The following DLL3 variants were observed in gnomAD, a reference collection of about 807,000 sequenced individuals.
The protein encoded by DLL3 is delta-like protein 3.
A neutral mutation model predicts 55.0 loss-of-function variants in DLL3; 49 were observed. The observed-to-expected ratio is 0.89, with a 90% confidence interval of 0.71 to 1.13. DLL3 has a LOEUF of 1.13. DLL3 is among the 50% of genes most tolerant of loss of function. The probability of loss-of-function intolerance (pLI) is 0.00; values close to 1 mark genes in which losing one functional copy is unlikely to be tolerated. For missense variants in DLL3, 962 were observed against 875.5 expected, an observed-to-expected ratio of 1.10 and a Z score of -1.25; for synonymous variants, 421 against 385.2, an observed-to-expected ratio of 1.09 and a Z score of -1.09.
Position 39,499,438 on chromosome 19 carries a change from G to A in DLL3, c.316G>A (p.Gly106Ser), listed in dbSNP as rs2079597000. Residue 106 changes from glycine (G) to serine (S), a missense_variant, in exon 2 of 9, where the codon GGC becomes AGC. By Grantham distance (56) the Gly-to-Ser change is moderately conservative (BLOSUM62 0). Transcript: ENST00000356433. The stretch of plus-strand genomic sequence containing the variant: ...CGCGCCTGATCTCCCACTGCCCGAC[G>A]GCCTCTTGCAGGTGCCCTTCCGGGA... Reference protein sequence around the residue: ...APAPDLPLPDGLLQVPFRDAW... With the variant: ...APAPDLPLPDSLLQVPFRDAW... 6.3e-7 allele frequency: 1 copy of A among 1,591,452 alleles called. No individual in the cohort carries two copies. The highest frequency in any genetic ancestry group is 1.1e-5 in the South Asian group (1 of 89,426).
Position 39,505,407 on chromosome 19 carries a change from G to A in DLL3, c.1049G>A (p.Cys350Tyr). Residue 350 changes from cysteine to tyrosine, a missense_variant, in exon 6 of 9, where the codon TGT becomes TAT. Transcript: ENST00000356433. Reference protein sequence around the residue: ...HCPPGFQGSNCEKRVDRCSLQ... With the variant: ...HCPPGFQGSNYEKRVDRCSLQ... The stretch of plus-strand genomic sequence containing the variant: ...CCACCCGGTTTCCAAGGCTCCAACT[G>A]TGAGAAGAGGGTGGACCGGTGCAGC... 6.2e-7 allele frequency: 1 copy of A among 1,614,136 alleles called. No homozygotes were observed. Among genetic ancestry groups the A allele is most frequent in the South Asian group, 1.1e-5 (1 of 91,082 alleles).
rs935221144 is a variant in DLL3, at chr19:39,502,876, G to A, written c.471G>A (p.Pro157=). Residue 157 remains proline, a synonymous_variant, in exon 4 of 9, where the codon CCG becomes CCA. Coordinates refer to ENST00000356433, the MANE Select transcript of DLL3 (RefSeq NM_203486.3). ...AGRRRLAAGG[P]WARDIQRAGA... is the part of the protein sequence containing the mutation. Reference sequence around the variant, plus strand: ...GGCGGCGCTTGGCAGCCGGAGGCCCGTGGGCCCGGGACATTCAGCGCGCAG... The same window carrying A: ...GGCGGCGCTTGGCAGCCGGAGGCCCATGGGCCCGGGACATTCAGCGCGCAG... The A allele has an allele frequency of 6.3e-6, 9 of 1,421,336 alleles. No homozygotes were observed. The highest frequency in any genetic ancestry group is 3.0e-5 in the East Asian group (1 of 32,818). The allele number at this position is 1,421,336 out of a possible 1,614,324, so 88.0% of individuals were successfully genotyped here. A position where few individuals can be genotyped will look rare whatever the true frequency, so the allele number is the denominator to read the frequency against.
At chr19:39,499,605 G>T (rs3212275) in intron 2 of DLL3, 132 bp downstream of exon 2, 3 of 1,167,780 alleles carry the variant, frequency 2.6e-6, no homozygotes, top group Non-Finnish European at 3.6e-6. Flanking sequence ...TCCCAGACCA[G>T]TAACTCTACC....
At position 39,505,270 on chromosome 19, in the gene DLL3, C is replaced by G. The variant is rs7249157; in HGVS notation, c.912C>G (p.Phe304Leu). The G allele has an allele frequency of 1.2e-6, 2 of 1,614,068 alleles. No homozygotes were observed. Among genetic ancestry groups the G allele is most frequent in the South Asian group, 2.2e-5 (2 of 91,090 alleles). The change falls in exon 6 of 9, where the codon TTC becomes TTG. Residue 304 changes from phenylalanine (F) to leucine (L), a missense_variant. By Grantham distance (22) the Phe-to-Leu change is conservative. Transcript: ENST00000356433. ...RSFECTCPRG[F>L]YGLRCEVSGV... ...TTGAATGCACCTGCCCGCGTGGGTTCTACGGGCTGCGGTGTGAGGTGAGCG... is the reference window on the plus strand; with the variant it reads ...TTGAATGCACCTGCCCGCGTGGGTTGTACGGGCTGCGGTGTGAGGTGAGCG...
chr19:39,507,073 C>T lies in DLL3; in HGVS notation c.1128C>T (p.Arg376=). ...GLCLDLGHAL[R]CRCRAGFAGP... The stretch of plus-strand genomic sequence containing the variant: ...GCCTGGACCTGGGCCACGCCCTGCG[C>T]TGCCGCTGCCGCGCCGGCTTCGCGG... Residue 376 remains arginine, a synonymous_variant, in exon 7 of 9, where the codon CGC becomes CGT. Coordinates refer to ENST00000356433, the MANE Select transcript of DLL3 (RefSeq NM_203486.3). The T allele has an allele frequency of 6.5e-7, 1 of 1,541,612 alleles. No individual in the cohort carries two copies. The highest frequency in any genetic ancestry group is 8.7e-7 in the Non-Finnish European group (1 of 1,150,798).
intron 4 of DLL3, 44 bp from the exon 5 acceptor site, chr19:39,504,027 C>T (rs766364078): frequency 3.1e-6 from 5 of 1,597,132 alleles, no homozygotes; most frequent in African/African-American, 1.3e-5. Context: ...TGGCCCTCCC[C>T]GACGTTGGTG....
intron 5 of DLL3, among the ~76,000 whole-genome samples, 200 bp downstream of exon 5, chr19:39,504,488 G>C (rs1175125978): frequency 6.6e-6 from 1 of 152,190 alleles, no homozygotes; most frequent in Non-Finnish European, 1.5e-5. Flanking sequence ...GGGAGAGCAG[G>C]CTCAGTGGGT....
In DLL3 at chr19:39,507,508, C is replaced by A; in HGVS notation, c.1563C>A (p.Ser521=). ...LLVHVRRRGH[S]QDAGSRLLAG... ...TCCACGTGCGCCGCCGTGGCCACTC[C>A]CAGGATGCTGGGTCTCGCTTGCTGG... The change falls in exon 7 of 9, where the codon TCC becomes TCA. Residue 521 remains serine, a synonymous_variant. Transcript: ENST00000356433. 1 of 1,599,734 alleles carries A rather than the reference C, an allele frequency of 6.3e-7. No homozygotes were observed. Among genetic ancestry groups the A allele is most frequent in the Non-Finnish European group, 8.5e-7 (1 of 1,174,330 alleles).
chr19:39,502,151 C>T (rs978071372), intron 3 of DLL3, among the ~76,000 whole-genome samples: 7 of 151,850 alleles, frequency 4.6e-5, no homozygotes, highest in Non-Finnish European at 8.8e-5. Context: ...CACACCACTA[C>T]GCTCCAGCCT....
In DLL3 at chr19:39,507,243, G is replaced by C; in HGVS notation, c.1298G>C (p.Cys433Ser). The C allele has an allele frequency of 6.7e-7, 1 of 1,500,424 alleles. No individual in the cohort carries two copies. The highest frequency in any genetic ancestry group is 8.8e-7 in the Non-Finnish European group (1 of 1,131,946). 92.9% of individuals were successfully genotyped at this position (1,500,424 alleles called of 1,614,324 possible). Reference sequence around the variant, plus strand: ...GACTGCCGCGAGCGCGCGGACCCGTGCGCCGCGCGCCCCTGTGCTCACGGC... The same window carrying C: ...GACTGCCGCGAGCGCGCGGACCCGTCCGCCGCGCGCCCCTGTGCTCACGGC... ...GRDCRERADP[C>S]AARPCAHGGR... Residue 433 changes from cysteine to serine, a missense_variant, in exon 7 of 9, where the codon TGC becomes TCC. Physicochemically the swap from Cys to Ser is moderately radical, Grantham distance 112. Transcript: ENST00000356433.
At position 39,504,120 on chromosome 19, in the gene DLL3, C is replaced by T. The variant is rs1316480394; in HGVS notation, c.702C>T (p.Pro234=). The change falls in exon 5 of 9, where the codon CCC becomes CCT. Residue 234 remains proline, a synonymous_variant. Coordinates refer to ENST00000356433, the MANE Select transcript of DLL3 (RefSeq NM_203486.3). ...CSPEHGFCEQ[P]GECRCLEGWT... ...CTGAGCATGGCTTCTGTGAACAGCC[C>T]GGTGAATGCCGATGCCTAGAGGGCT... is the stretch of plus-strand genomic sequence containing the variant. The T allele has an allele frequency of 1.2e-5, 19 of 1,612,966 alleles. No individual in the cohort carries two copies. Among genetic ancestry groups the T allele is most frequent in the Admixed American group, 6.7e-5 (4 of 60,010 alleles).
intron 2 of DLL3, 65 bp from the exon 3 acceptor site, chr19:39,500,550 T>G: frequency 6.9e-7 from 1 of 1,458,760 alleles, no homozygotes. Context: ...ACTCTGGCCT[T>G]CATTGAGTAC....
chr19:39,505,451 G>C lies in DLL3; in HGVS notation c.1093G>C (p.Gly365Arg). The C allele has an allele frequency of 6.2e-7, 1 of 1,614,032 alleles. No individual in the cohort carries two copies. Among genetic ancestry groups the C allele is most frequent in the Non-Finnish European group, 8.5e-7 (1 of 1,179,988 alleles). Reference sequence around the variant, plus strand: ...GTGCAGCCTGCAGCCATGCCGCAATGGTGAGGCCTGGAGGCCTGAACGGCG... The same window carrying C: ...GTGCAGCCTGCAGCCATGCCGCAATCGTGAGGCCTGGAGGCCTGAACGGCG... The part of the protein sequence containing the change: ...DRCSLQPCRN[G>R]GLCLDLGHAL... Residue 365 changes from glycine to arginine, a missense_variant and splice_region_variant, in exon 6 of 9, where the codon GGC becomes CGC. Coordinates refer to ENST00000356433, the MANE Select transcript of DLL3 (RefSeq NM_203486.3).
chr19:39,508,170 T>G (rs1025925604), intron 8 of DLL3, 82 bp from the exon 9 acceptor site: 7 of 1,614,122 alleles, frequency 4.3e-6, no homozygotes, highest in Non-Finnish European at 5.9e-6. Flanking sequence ...CGCCAGAGCT[T>G]TTCCACTGAT....
chr19:39,507,215 C>T lies in DLL3; in HGVS notation c.1270C>T (p.Arg424Cys). 1 of 1,328,352 alleles carries T rather than the reference C, an allele frequency of 7.5e-7. No individual in the cohort carries two copies. The highest frequency in any genetic ancestry group is 9.5e-7 in the Non-Finnish European group (1 of 1,049,392). 82.3% of individuals were successfully genotyped at this position (1,328,352 alleles called of 1,614,324 possible). The stretch of plus-strand genomic sequence containing the variant: ...CTCCTGCGCGCTGGGCTTCGGCGGC[C>T]GCGACTGCCGCGAGCGCGCGGACCC... ...RCSCALGFGG[R>C]DCRERADPCA... The change falls in exon 7 of 9, where the codon CGC becomes TGC. Residue 424 changes from arginine (R) to cysteine (C), a missense_variant. Arg to Cys is a radical substitution (Grantham distance 180, BLOSUM62 -3). Transcript: ENST00000356433.
intron 6 of DLL3, among the ~76,000 whole-genome samples, chr19:39,506,211 C>CAAAAA (rs541216671): frequency 1.8e-4 from 10 of 54,532 alleles, no homozygotes; most frequent in African/African-American, 3.0e-4. Context: ...CACTCTGTCT[C>CAAAAA]AAAAAAAAAA....
At chr19:39,503,740 C>A (rs775928326) in intron 4 of DLL3, among the ~76,000 whole-genome samples, 1 of 152,192 alleles carries the variant, frequency 6.6e-6, no homozygotes, top group Non-Finnish European at 1.5e-5. Context: ...TCCCAAATCC[C>A]CTCACTGTCT....
intron 3 of DLL3, among the ~76,000 whole-genome samples, chr19:39,501,075 C>T (rs887341475): frequency 9.9e-5 from 15 of 151,982 alleles, no homozygotes; most frequent in Non-Finnish European, 2.1e-4. Flanking sequence ...TCTCAGCTCA[C>T]TGCAACCTCT....
intron 5 of DLL3, 60 bp from the exon 6 acceptor site, chr19:39,505,169 A>G: frequency 6.4e-7 from 1 of 1,558,838 alleles, no homozygotes; most frequent in Non-Finnish European, 8.8e-7. Flanking sequence ...AGGACTGAGG[A>G]GGGGGATGGG....
Sources: gnomAD v4.1 joint callset for allele counts (sites outside exome capture counted in the v4.1 genomes callset) on GRCh38, gnomAD v4.1.1 for gene constraint, MANE v1.5 for transcripts, NCBI Gene and HGNC (gene_info 2026-07-23, HGNC 2026-07-21) for gene names.